The following DZANK1 variants were observed in gnomAD, a reference collection of about 807,000 sequenced individuals.
The protein encoded by DZANK1 is double zinc ribbon and ankyrin repeat-containing protein 1.
Under a neutral mutation model 94.5 loss-of-function variants are expected in DZANK1, and 91 were observed. The observed-to-expected ratio is 0.96, with a 90% CI of 0.81 to 1.15. The LOEUF is 1.15. Among genes scored for constraint, DZANK1 ranks in the 50% most tolerant of loss-of-function variants. The pLI is 0.00. For missense variants in DZANK1, 903 were observed against 916.4 expected (o/e 0.99, Z 0.19); for synonymous variants, 312 against 325.3 (o/e 0.96, Z 0.44).
At chr20:18,443,544 A>G in intron 7 of DZANK1, 80 bp from the exon 8 acceptor site, 1 of 746,040 alleles carries the variant, frequency 1.3e-6, no homozygotes, top group Non-Finnish European at 2.1e-6. Flanking sequence ...AAAAGCGGTC[A>G]AACAGTTTTA....
chr20:18,461,853 G>A (rs1392851105), intron 2 of DZANK1, among the ~76,000 whole-genome samples: 2 of 152,028 alleles, frequency 1.3e-5, no homozygotes, highest in African/African-American at 4.8e-5. Context: ...GCCCACCTCA[G>A]CCTCCCAAAG....
At position 18,453,663 on chromosome 20, in the gene DZANK1, G is replaced by A. The variant is rs534107810; in HGVS notation, c.475+68C>T. On this transcript the variant is annotated intron_variant, in intron 5 of 20. Coordinates refer to ENST00000262547, the Ensembl canonical transcript of DZANK1. ...TTCTCCAGACAAGAAAACATGCAACGAACATGCCATGAACCTCTTCGGTGG... is the reference window on the plus strand; with the variant it reads ...TTCTCCAGACAAGAAAACATGCAACAAACATGCCATGAACCTCTTCGGTGG... 35 of 1,101,750 alleles carry A rather than the reference G, an allele frequency of 3.2e-5. 1 individual carries two copies. Among genetic ancestry groups the A allele is most frequent in the African/African-American group, 2.7e-4 (17 of 63,862 alleles). The allele number at this position is 1,101,750 out of a possible 1,614,324, so 68.2% of individuals were successfully genotyped here.
chr20:18,456,706 G>GT (rs11475753), intron 3 of DZANK1, among the ~76,000 whole-genome samples: 8 of 151,092 alleles, frequency 5.3e-5, no homozygotes, highest in African/African-American at 1.2e-4. Flanking sequence ...TTATTTATTT[G>GT]TTTTTTTTTG....
At position 18,412,854 on chromosome 20, in the gene DZANK1, C is replaced by CT. The variant is rs2057325031; in HGVS notation, c.1243-20_1243-19insA. 6.2e-7 allele frequency: 1 copy of CT among 1,613,104 alleles called. No homozygotes were observed. On this transcript the variant is annotated intron_variant, in intron 12 of 20. Transcript: ENST00000262547. Reference sequence around the variant, plus strand: ...TCAGGGACTGCCAGGCACATCGGGGCCATGCGTGAGGCAGAAGACATTTTT... The same window carrying CT: ...TCAGGGACTGCCAGGCACATCGGGGCTCATGCGTGAGGCAGAAGACATTTTT...
At chr20:18,438,347 G>A (rs2058611395) in intron 8 of DZANK1, among the ~76,000 whole-genome samples, 1 of 151,216 alleles carries the variant, frequency 6.6e-6, no homozygotes, top group African/African-American at 2.4e-5. Flanking sequence ...CATCAATAAT[G>A]ACATTAAATA....
intron 3 of DZANK1, 41 bp from the exon 4 acceptor site, chr20:18,455,402 C>T (rs202245122): frequency 1.5e-5 from 22 of 1,433,628 alleles, no homozygotes; most frequent in Non-Finnish European, 1.9e-6. Flanking sequence ...CTGTGTTACA[C>T]AAAGATTTTT....
intron 13 of DZANK1, among the ~76,000 whole-genome samples, chr20:18,403,796 CTTTTTTTTTT>C (rs35824877): frequency 8.9e-6 from 1 of 111,740 alleles, no homozygotes; most frequent in Non-Finnish European, 1.8e-5. Flanking sequence ...AACTTTCTTT[CTTTTTTTTTT>C]TTTTTTTTTT....
chr20:18,386,830 C>A (rs927058289), intron 19 of DZANK1, among the ~76,000 whole-genome samples: 1 of 152,154 alleles, frequency 6.6e-6, no homozygotes, highest in Non-Finnish European at 1.5e-5. Flanking sequence ...AACAGCACAT[C>A]TAAAAATACC....
chr20:18,439,367 T>C (rs2058645961), intron 8 of DZANK1, among the ~76,000 whole-genome samples: 1 of 152,190 alleles, frequency 6.6e-6, no homozygotes. Context: ...TGTGAACTGA[T>C]TTATGTCTGG....
chr20:18,414,540 T>C, intron 11 of DZANK1, 28 bp from the exon 12 acceptor site: 1 of 1,560,590 alleles, frequency 6.4e-7, no homozygotes, highest in Non-Finnish European at 8.7e-7. Context: ...TCTTGATGAA[T>C]ATTAGAGTTA....
chr20:18,434,948 G>A (rs1338961629), intron 8 of DZANK1, among the ~76,000 whole-genome samples: 1 of 152,166 alleles, frequency 6.6e-6, no homozygotes, highest in Non-Finnish European at 1.5e-5. Flanking sequence ...GATTTAACAT[G>A]GAGTTCCAGG....
intron 8 of DZANK1, among the ~76,000 whole-genome samples, chr20:18,442,755 C>A (rs2058750573): frequency 6.6e-6 from 1 of 151,830 alleles, no homozygotes; most frequent in African/African-American, 2.4e-5. Context: ...CCCTTTATTC[C>A]AAGTCCAAAA....
intron 14 of DZANK1, 27 bp from the exon 15 acceptor site, chr20:18,396,573 C>A: frequency 6.3e-7 from 1 of 1,583,046 alleles, no homozygotes; most frequent in Non-Finnish European, 8.7e-7. Context: ...AGAGAGAATT[C>A]ATAACTGTGG....
chr20:18,394,464 A>G (rs536475453), intron 15 of DZANK1, 114 bp from the exon 16 acceptor site: 2 of 1,007,718 alleles, frequency 2.0e-6, no homozygotes, highest in African/African-American at 1.6e-5. Context: ...CTACCTACCC[A>G]GAGAGTGGAG....
chr20:18,384,302 G>A (rs1041670603), exon 21 of DZANK1: 15 of 1,309,612 alleles, frequency 1.1e-5, no homozygotes, highest in African/African-American at 4.5e-5. Context: ...CAGGTGATAC[G>A]CCAGCCTCAG....
intron 17 of DZANK1, among the ~76,000 whole-genome samples, chr20:18,390,837 A>C (rs2055921663): frequency 6.6e-6 from 1 of 152,190 alleles, no homozygotes; most frequent in South Asian, 2.1e-4. Flanking sequence ...AGGTCAGCCA[A>C]AGTATGACAG....
intron 6 of DZANK1, among the ~76,000 whole-genome samples, chr20:18,450,382 C>G (rs79278376): frequency 0.014 from 2,107 of 152,266 alleles, 28 homozygotes; most frequent in Middle Eastern, 0.027. Flanking sequence ...GAATCCCCAT[C>G]TCTACAAAAA....
Position 18,393,694 on chromosome 20 carries a change from C to A in DZANK1, c.1809+17G>T. On this transcript the variant is annotated intron_variant, in intron 17 of 20. Transcript: ENST00000262547. The stretch of plus-strand genomic sequence containing the variant: ...GGCTGAAGACAACATCCACAAGGAC[C>A]AAAAAAAGACACTTACTATAAGCTG... The A allele has an allele frequency of 6.5e-7, 1 of 1,545,374 alleles. No homozygotes were observed. Among genetic ancestry groups the A allele is most frequent in the Non-Finnish European group, 8.9e-7 (1 of 1,125,464 alleles).
intron 10 of DZANK1, among the ~76,000 whole-genome samples, chr20:18,418,459 G>C (rs191340841): frequency 1.8e-4 from 27 of 152,310 alleles, no homozygotes; most frequent in Admixed American, 3.3e-4. Flanking sequence ...TATCTGAATG[G>C]AGACCAAACT....
Sources: gnomAD v4.1 joint callset for allele counts (sites outside exome capture counted in the v4.1 genomes callset) on GRCh38, gnomAD v4.1.1 for gene constraint, MANE v1.5 for transcripts, NCBI Gene and HGNC (gene_info 2026-07-23, HGNC 2026-07-21) for gene names.